The following PCLO variants were observed in gnomAD, a reference collection of about 807,000 sequenced individuals.
PCLO encodes the protein protein piccolo.
PCLO carries 82 observed loss-of-function variants against 427.5 expected under a neutral mutation model. That is an observed-to-expected ratio of 0.19 (90% CI 0.16 to 0.23). The LOEUF (loss-of-function observed/expected upper bound fraction) is 0.23, where lower values mean the gene tolerates loss of function less well. PCLO is among the 10% of genes least tolerant of loss of function. PCLO has a pLI of 1.00. For missense variants in PCLO, 6,239 were observed against 6,115.9 expected (o/e 1.02, Z -0.67); for synonymous variants, 2,357 against 2,155.4 (o/e 1.09, Z -2.59).
At chr7:82,907,196 G>A (rs144410959) in intron 8 of PCLO, among the ~76,000 whole-genome samples, 2,087 of 152,022 alleles carry the variant, frequency 0.014, 15 homozygotes, top group Middle Eastern at 0.024. Context: ...CTCAGTGCCC[G>A]TGGAAACAGT....
At chr7:82,830,534 G>A (rs1416937450) in intron 16 of PCLO, among the ~76,000 whole-genome samples, 1 of 151,876 alleles carries the variant, frequency 6.6e-6, no homozygotes, top group Non-Finnish European at 1.5e-5. Context: ...TAGAATCATG[G>A]CTATTCTCAT....
At position 82,760,789 on chromosome 7, in the gene PCLO, AAAT is replaced by A. The variant is rs978253658; in HGVS notation, c.15143-8_15143-6del. The A allele has an allele frequency of 1.5e-5, 21 of 1,397,056 alleles. No individual in the cohort carries two copies. The African/African-American group carries it at 2.8e-4, about 18-fold the overall frequency. 86.5% of individuals were successfully genotyped at this position (1,397,056 alleles called of 1,614,324 possible). A position where few individuals can be genotyped will look rare whatever the true frequency, so the allele number is the denominator to read the frequency against. ...CATATATTTTCACATATAAATCTGA[AAAT>A]AAGAATTCAGCCCATTAAATTCCAT... On this transcript the variant is annotated splice_region_variant and splice_polypyrimidine_tract_variant and intron_variant, in intron 23 of 24. Coordinates refer to ENST00000333891, the MANE Select transcript of PCLO (RefSeq NM_033026.6).
chr7:83,155,767 C>G lies in PCLO; in HGVS notation c.874G>C (p.Glu292Gln). ...CTTGGCAGTGAGGGTTTAACTGATT[C>G]TCCCCTTACTATGTCTGCCTGTTTA... ...QTKQADIVRGESVKPSLPSPS... is the reference protein window; with the variant it reads ...QTKQADIVRGQSVKPSLPSPS... The change falls in exon 2 of 25, where the codon GAA becomes CAA. Residue 292 changes from glutamate to glutamine, a missense_variant. Around this residue, in one of 5 missense-constraint regions of PCLO, gnomAD observed 4,677 missense variants for 4,468.4 expected, o/e 1.05. Transcript: ENST00000333891. 1.2e-6 allele frequency: 2 copies of G among 1,613,930 alleles called. No homozygotes were observed. The highest frequency in any genetic ancestry group is 1.3e-5 in the African/African-American group (1 of 75,036).
intron 6 of PCLO, among the ~76,000 whole-genome samples, 198 bp downstream of exon 6, chr7:82,949,278 C>CGCACACACACACGTGT (rs909804794): frequency 6.6e-6 from 1 of 151,030 alleles, no homozygotes; most frequent in African/African-American, 2.5e-5. Flanking sequence ...CACACACAAG[C>CGCACACACACACGTGT]GCACACACAC....
At chr7:82,781,640 G>A (rs1790875686) in intron 22 of PCLO, among the ~76,000 whole-genome samples, 1 of 152,114 alleles carries the variant, frequency 6.6e-6, no homozygotes, top group Non-Finnish European at 1.5e-5. Flanking sequence ...TTACAATGTT[G>A]GGTGTGTGAG....
intron 6 of PCLO, among the ~76,000 whole-genome samples, chr7:82,921,819 A>G (rs1344210320): frequency 2.0e-5 from 3 of 151,950 alleles, no homozygotes; most frequent in African/African-American, 7.2e-5. Context: ...AAAACTGGAG[A>G]AAATACCTGC....
chr7:82,803,123 T>C (rs141365885), intron 21 of PCLO, among the ~76,000 whole-genome samples: 37 of 152,074 alleles, frequency 2.4e-4, no homozygotes, highest in African/African-American at 6.5e-4. Context: ...TTCATCAAGA[T>C]TCAAGACAAG....
In PCLO at chr7:83,096,933, AATATATT is replaced by A. The variant is rs1427036276; in HGVS notation, c.3300+37310_3300+37316del. Among the ~76,000 whole-genome samples the A allele has an allele frequency of 2.9e-4, 18 of 61,232 alleles. 5 individuals are homozygous for A. In the East Asian group the frequency reaches 0.011, roughly 39 times the overall value. The allele number at this position is 61,232 out of a possible 152,430, so 40.2% of individuals were successfully genotyped here. ...TATCTAAATATATATAATATAATAT[AATATATT>A]ATATATTATATAAATAATATAATAT... On this transcript the variant is annotated intron_variant, in intron 3 of 24. Transcript: ENST00000333891.
At chr7:82,810,878 A>C (rs1003357612) in intron 20 of PCLO, among the ~76,000 whole-genome samples, 3 of 151,696 alleles carry the variant, frequency 2.0e-5, no homozygotes, top group Admixed American at 1.3e-4. Flanking sequence ...AGCACGGATT[A>C]AATTGTAGAC....
At chr7:82,850,781 G>T (rs934906376) in intron 10 of PCLO, among the ~76,000 whole-genome samples, 1 of 152,016 alleles carries the variant, frequency 6.6e-6, no homozygotes, top group Admixed American at 6.6e-5. Context: ...CTTTGCTTAT[G>T]TCTAACATTT....
At chr7:82,840,237 G>C (rs1042472631) in intron 14 of PCLO, among the ~76,000 whole-genome samples, 3 of 152,056 alleles carry the variant, frequency 2.0e-5, no homozygotes, top group African/African-American at 7.2e-5. Context: ...GAAACAGCCG[G>C]ATCTGGAGTA....
At chr7:82,933,690 TA>T (rs982275594) in intron 6 of PCLO, among the ~76,000 whole-genome samples, 8 of 151,876 alleles carry the variant, frequency 5.3e-5, no homozygotes, top group Non-Finnish European at 1.0e-4. Flanking sequence ...CACACACAAA[TA>T]AAAACATGTA....
At chr7:82,828,729 C>A (rs546573948) in intron 16 of PCLO, among the ~76,000 whole-genome samples, 1 of 152,134 alleles carries the variant, frequency 6.6e-6, no homozygotes, top group Non-Finnish European at 1.5e-5. Context: ...TAGCTGGCAC[C>A]AACCTGCTGA....
chr7:82,870,596 G>A (rs376216721), intron 10 of PCLO, among the ~76,000 whole-genome samples: 6 of 151,798 alleles, frequency 4.0e-5, no homozygotes, highest in South Asian at 2.1e-4. Flanking sequence ...ATGGGATTAC[G>A]TCAACCTAAA....
intron 18 of PCLO, 127 bp from the exon 19 acceptor site, chr7:82,824,543 A>T (rs1284991107): frequency 3.5e-5 from 18 of 512,968 alleles, no homozygotes; most frequent in South Asian, 2.5e-4. Flanking sequence ...TTTGAGGATG[A>T]TGATTCTTTC....
At chr7:82,837,963 A>C (rs546669248) in intron 15 of PCLO, among the ~76,000 whole-genome samples, 28 of 152,120 alleles carry the variant, frequency 1.8e-4, no homozygotes, top group African/African-American at 5.3e-4. Flanking sequence ...AGTGGTTTCC[A>C]GAATTGAAAG....
chr7:83,061,083 AAAC>A (rs1187940885), intron 3 of PCLO, among the ~76,000 whole-genome samples: 3 of 152,174 alleles, frequency 2.0e-5, no homozygotes, highest in Non-Finnish European at 4.4e-5. Context: ...TAGTGGCTTG[AAAC>A]AACAAAAATT....
At chr7:82,976,448 A>C (rs1219084957) in intron 3 of PCLO, among the ~76,000 whole-genome samples, 1 of 152,174 alleles carries the variant, frequency 6.6e-6, no homozygotes, top group Non-Finnish European at 1.5e-5. Flanking sequence ...ATCTCTTATT[A>C]TATATATTTT....
At chr7:82,820,858 T>G in intron 20 of PCLO, 1 of 1,231,208 alleles carries the variant, frequency 8.1e-7, no homozygotes, top group Non-Finnish European at 1.0e-6. Context: ...ATATGAATAT[T>G]GTTAATCTAT....
Sources: gnomAD v4.1 joint callset for allele counts (sites outside exome capture counted in the v4.1 genomes callset) on GRCh38, gnomAD v4.1.1 for gene constraint, gnomAD v4.1.1 regional missense constraint, MANE v1.5 for transcripts, NCBI Gene and HGNC (gene_info 2026-07-23, HGNC 2026-07-21) for gene names.